The following SPATA31A6 variants were observed in gnomAD, a reference collection of about 807,000 sequenced individuals.
SPATA31A6 encodes SPATA31 subfamily A member 6.
A neutral mutation model predicts 11.9 loss-of-function variants in SPATA31A6; 9 were observed. That is an observed-to-expected ratio of 0.76 (90% confidence interval 0.46 to 1.32). The LOEUF (loss-of-function observed/expected upper bound fraction) is 1.32, where lower values mean the gene tolerates loss of function less well. SPATA31A6 is among the 40% of genes most tolerant of loss of function. The pLI is 0.00. For missense variants in SPATA31A6, 855 were observed against 1,467.3 expected, an observed-to-expected ratio of 0.58 and a Z score of 6.82; for synonymous variants, 314 against 572.1, an observed-to-expected ratio of 0.55 and a Z score of 6.44.
intron 1 of SPATA31A6, 33 bp downstream of exon 1, chr9:42,183,909 T>G: frequency 2.6e-6 from 4 of 1,526,976 alleles, no homozygotes; most frequent in Non-Finnish European, 3.5e-6. Context: ...CCACAGAGCT[T>G]GATTCTCTCC....
Position 42,189,121 on chromosome 9 carries a change from A to T in SPATA31A6, c.3419A>T (p.Gln1140Leu). 6.5e-7 allele frequency: 1 copy of T among 1,544,776 alleles called. No individual in the cohort carries two copies. The highest frequency in any genetic ancestry group is 1.1e-5 in the South Asian group (1 of 87,386). The change falls in exon 4 of 4, where the codon CAG (glutamine) becomes CTG (leucine). Residue 1140 changes from glutamine (Q) to leucine (L), a missense_variant. Gln to Leu is a moderately radical substitution (Grantham distance 113). Coordinates refer to ENST00000332857, the MANE Select transcript of SPATA31A6 (RefSeq NM_001145196.1). ...TPVRKTEDTH[Q>L]DEGVQLLPSK... ...GTCAGGAAAACAGAAGACACCCATCAGGATGAAGGCGTCCAGCTACTGCCA... is the reference window on the plus strand; with the variant it reads ...GTCAGGAAAACAGAAGACACCCATCTGGATGAAGGCGTCCAGCTACTGCCA...
intron 2 of SPATA31A6, chr9:42,185,444 G>T: frequency 1.5e-6 from 1 of 650,278 alleles, no homozygotes; most frequent in Non-Finnish European, 2.6e-6. Context: ...GACCACCTCA[G>T]TCCTTTCTCC....
rs778016404 is a variant in SPATA31A6, at chr9:42,186,577, C to T, written c.875C>T (p.Ala292Val). The change falls in exon 4 of 4, where the codon GCC becomes GTC. Residue 292 changes from alanine (A) to valine (V), a missense_variant. Transcript: ENST00000332857. ...CAGGAGACTGCCAGAACCTCGTGCG[C>T]CTTTAACTCATCAGTCCAGCAAGAT... ...RWQETARTSCAFNSSVQQDPL... is the reference protein window; with the variant it reads ...RWQETARTSCVFNSSVQQDPL... 1.6e-5 allele frequency: 24 copies of T among 1,528,958 alleles called. 5 individuals are homozygous for T. In the East Asian group the frequency reaches 3.1e-4, roughly 20 times the overall value. 94.7% of individuals were successfully genotyped at this position (1,528,958 alleles called of 1,614,324 possible). A position where few individuals can be genotyped will look rare whatever the true frequency, so the allele number is the denominator to read the frequency against.
At position 42,186,555 on chromosome 9, in the gene SPATA31A6, G is replaced by A. The variant is rs749956877; in HGVS notation, c.853G>A (p.Glu285Lys). ...TGTTTCTGCCTCCTCCCGGTGGCAG[G>A]AGACTGCCAGAACCTCGTGCGCCTT... Reference protein sequence around the residue: ...SHVSASSRWQETARTSCAFNS... With the variant: ...SHVSASSRWQKTARTSCAFNS... The change falls in exon 4 of 4, where the codon GAG (glutamate) becomes AAG (lysine). Residue 285 changes from glutamate to lysine, a missense_variant. Glu to Lys is a moderately conservative substitution (Grantham distance 56, BLOSUM62 1). Coordinates refer to ENST00000332857, the MANE Select transcript of SPATA31A6 (RefSeq NM_001145196.1). 2.2e-5 allele frequency: 33 copies of A among 1,523,262 alleles called. 4 individuals are homozygous for A. The highest frequency in any genetic ancestry group is 4.9e-5 in the African/African-American group (3 of 61,172). The allele number at this position is 1,523,262 out of a possible 1,614,324, so 94.4% of individuals were successfully genotyped here.
In SPATA31A6 at chr9:42,183,821, A is replaced by T; in HGVS notation, c.134A>T (p.Tyr45Phe). The change falls in exon 1 of 4, where the codon TAC becomes TTC. Residue 45 changes from tyrosine to phenylalanine, a missense_variant. By Grantham distance (22) the Tyr-to-Phe change is conservative (BLOSUM62 3). Coordinates refer to ENST00000332857, the MANE Select transcript of SPATA31A6 (RefSeq NM_001145196.1). The part of the protein sequence containing the change: ...ALGFFFLLLP[Y>F]LSYFHCDDPP... ...GGGTTCTTCTTCCTATTACTCCCCT[A>T]CTTATCTTACTTCCATTGTGATGAC... 1 of 1,532,416 alleles carries T rather than the reference A, an allele frequency of 6.5e-7. No homozygotes were observed. Among genetic ancestry groups the T allele is most frequent in the Non-Finnish European group, 8.8e-7 (1 of 1,137,524 alleles). The allele number at this position is 1,532,416 out of a possible 1,614,324, so 94.9% of individuals were successfully genotyped here.
chr9:42,184,439 CTGTGTGTGTGTGTGTGTG>C (rs71364261), intron 1 of SPATA31A6, among the ~76,000 whole-genome samples: 7 of 102,056 alleles, frequency 6.9e-5, no homozygotes, highest in East Asian at 6.0e-4. Flanking sequence ...GAAAATCCCT[CTGTGTGTGTGTGTGTGTG>C]TGTGTGTGTG....
At position 42,189,585 on chromosome 9, in the gene SPATA31A6, G is replaced by T. The variant is rs1829534082; in HGVS notation, c.3883G>T (p.Glu1295Ter). Reference sequence around the variant, plus strand: ...CTTGAAAAGTGTGCGGTGCAACAATGAGCAATGGGGCCTGCGACATCCCCA... The same window carrying T: ...CTTGAAAAGTGTGCGGTGCAACAATTAGCAATGGGGCCTGCGACATCCCCA... ...QPLKSVRCNN[E>*]QWGLRHPQIL... is the part of the protein sequence containing the mutation. Residue 1295 changes from glutamate (E) to a stop codon, truncating the protein, a stop_gained, in exon 4 of 4, where the codon GAG becomes TAG. Transcript: ENST00000332857. LOFTEE classifies it low-confidence loss of function (END_TRUNC). The T allele has an allele frequency of 6.4e-7, 1 of 1,556,644 alleles. No homozygotes were observed.
Position 42,187,264 on chromosome 9 carries a change from G to C in SPATA31A6, c.1562G>C (p.Cys521Ser), listed in dbSNP as rs768059593. The change falls in exon 4 of 4, where the codon TGC becomes TCC. Residue 521 changes from cysteine to serine, a missense_variant. By Grantham distance (112) the Cys-to-Ser change is moderately radical. Transcript: ENST00000332857. ...CTGATTAAGAACACTGGAGTAGCTT[G>C]CCCTGCATCGCAGAATAAAGTGCAA... ...PSLIKNTGVA[C>S]PASQNKVQAL... The C allele has an allele frequency of 6.5e-7, 1 of 1,541,868 alleles. No homozygotes were observed.
At position 42,187,766 on chromosome 9, in the gene SPATA31A6, G is replaced by C. The variant is rs775771389; in HGVS notation, c.2064G>C (p.Lys688Asn). Residue 688 changes from lysine to asparagine, a missense_variant, in exon 4 of 4, where the codon AAG becomes AAC. Lys to Asn is a moderately conservative substitution (Grantham distance 94, BLOSUM62 0). Transcript: ENST00000332857. ...LSRDMKSFPR[K>N]VLGVTSEESE... ...GGGACATGAAAAGCTTCCCACGGAAGGTTCTGGGGGTGACTTCTGAGGAGT... is the reference window on the plus strand; with the variant it reads ...GGGACATGAAAAGCTTCCCACGGAACGTTCTGGGGGTGACTTCTGAGGAGT... 6.6e-7 allele frequency: 1 copy of C among 1,506,856 alleles called. No homozygotes were observed. Among genetic ancestry groups the C allele is most frequent in the South Asian group, 1.2e-5 (1 of 85,138 alleles). 93.3% of individuals were successfully genotyped at this position (1,506,856 alleles called of 1,614,324 possible). A position where few individuals can be genotyped will look rare whatever the true frequency, so the allele number is the denominator to read the frequency against.
At position 42,183,818 on chromosome 9, in the gene SPATA31A6, C is replaced by T. The variant is rs1431867939; in HGVS notation, c.131C>T (p.Pro44Leu). ...FALGFFFLLLPYLSYFHCDDP... is the reference protein window; with the variant it reads ...FALGFFFLLLLYLSYFHCDDP... ...CTGGGGTTCTTCTTCCTATTACTCC[C>T]CTACTTATCTTACTTCCATTGTGAT... The change falls in exon 1 of 4, where the codon CCC becomes CTC. Residue 44 changes from proline to leucine, a missense_variant. Pro to Leu is a moderately conservative substitution (Grantham distance 98). Transcript: ENST00000332857. 2 of 1,534,158 alleles carry T rather than the reference C, an allele frequency of 1.3e-6. No homozygotes were observed. Among genetic ancestry groups the T allele is most frequent in the African/African-American group, 1.6e-5 (1 of 62,708 alleles).
At position 42,186,781 on chromosome 9, in the gene SPATA31A6, T is replaced by A. The variant is rs754684393; in HGVS notation, c.1079T>A (p.Leu360Ter). 3.1e-5 allele frequency: 48 copies of A among 1,531,438 alleles called. 7 individuals are homozygous for A. The highest frequency in any genetic ancestry group is 4.2e-5 in the Non-Finnish European group (48 of 1,139,546). 94.9% of individuals were successfully genotyped at this position (1,531,438 alleles called of 1,614,324 possible). A position where few individuals can be genotyped will look rare whatever the true frequency, so the allele number is the denominator to read the frequency against. The change falls in exon 4 of 4, where the codon TTA (leucine) becomes TAA (stop). Residue 360 changes from leucine to a stop codon, truncating the protein, a stop_gained. Coordinates refer to ENST00000332857, the MANE Select transcript of SPATA31A6 (RefSeq NM_001145196.1). LOFTEE classifies it low-confidence loss of function (END_TRUNC). ...AATCAAATGACCCCAGAAAAGCACTTAAATTCTTTGGGGAATTTGGCTAAA... is the reference window on the plus strand; with the variant it reads ...AATCAAATGACCCCAGAAAAGCACTAAAATTCTTTGGGGAATTTGGCTAAA... ...FTNQMTPEKH[L>*]NSLGNLAKSL...
rs1829415957 is a variant in SPATA31A6, at chr9:42,184,862, T to C, written c.190-207T>C. 1.4e-5 allele frequency among the ~76,000 whole-genome samples: 2 copies of C among 138,224 alleles called. 1 individual carries two copies. Among genetic ancestry groups the C allele is most frequent in the African/African-American group, 5.8e-5 (2 of 34,264 alleles). The allele number at this position is 138,224 out of a possible 152,430, so 90.7% of individuals were successfully genotyped here. ...TGTTTTTCTAAGAAGAAAAGCAGTT[T>C]ATCATCCAGTTAAACATGAGTGGGA... On this transcript the variant is annotated intron_variant, in intron 1 of 3. Coordinates refer to ENST00000332857, the MANE Select transcript of SPATA31A6 (RefSeq NM_001145196.1).
chr9:42,184,414 G>A (rs1249467965), intron 1 of SPATA31A6, among the ~76,000 whole-genome samples: 1 of 132,150 alleles, frequency 7.6e-6, no homozygotes, highest in Non-Finnish European at 1.6e-5. Flanking sequence ...AGGTGTCCGT[G>A]GTGGACCTCA....
In SPATA31A6 at chr9:42,185,665, A is replaced by G. The variant is rs773300317; in HGVS notation, c.248-30A>G. On this transcript the variant is annotated intron_variant, in intron 2 of 3. Transcript: ENST00000332857. ...CTGTGAGATCCCAGGCCCCTCCCTC[A>G]CTGCCCTAACCCAGTCTCCTGATTT... 188 of 1,482,644 alleles carry G rather than the reference A, an allele frequency of 1.3e-4. 34 individuals are homozygous for G. The highest frequency in any genetic ancestry group is 1.7e-4 in the Non-Finnish European group (183 of 1,091,004). The allele number at this position is 1,482,644 out of a possible 1,614,324, so 91.8% of individuals were successfully genotyped here. A position where few individuals can be genotyped will look rare whatever the true frequency, so the allele number is the denominator to read the frequency against.
At chr9:42,184,356 C>T (rs1334343592) in intron 1 of SPATA31A6, among the ~76,000 whole-genome samples, 2 of 128,938 alleles carry the variant, frequency 1.6e-5, no homozygotes, top group African/African-American at 6.4e-5. Flanking sequence ...TCAGCAGTGC[C>T]TGCGGGCCTG....
chr9:42,185,448 T>C, intron 2 of SPATA31A6: 1 of 660,810 alleles, frequency 1.5e-6, no homozygotes, highest in Non-Finnish European at 2.6e-6. Context: ...ACCTCAGTCC[T>C]TTCTCCCCAC....
In SPATA31A6 at chr9:42,189,729, ATCTGATTTGGTCAGT is replaced by A. The variant is rs2118863517; in HGVS notation, c.4028_*10del. On this transcript the variant is annotated stop_lost and 3_prime_UTR_variant, in exon 4 of 4. Coordinates refer to ENST00000332857, the MANE Select transcript of SPATA31A6 (RefSeq NM_001145196.1). ...AAGGCACTGTCTTCTTTGGGAAGGT[ATCTGATTTGGTCAGT>A]CACAAATTCTTTTTTAGCCTTCCCT... The A allele has an allele frequency of 6.9e-7, 1 of 1,448,772 alleles. No individual in the cohort carries two copies. Among genetic ancestry groups the A allele is most frequent in the Non-Finnish European group, 9.2e-7 (1 of 1,092,088 alleles). 89.7% of individuals were successfully genotyped at this position (1,448,772 alleles called of 1,614,324 possible). A position where few individuals can be genotyped will look rare whatever the true frequency, so the allele number is the denominator to read the frequency against.
In SPATA31A6 at chr9:42,186,940, G is replaced by A. The variant is rs200816316; in HGVS notation, c.1238G>A (p.Ser413Asn). 1,049 of 1,542,302 alleles carry A rather than the reference G, an allele frequency of 6.8e-4. 241 individuals carry two copies. The African/African-American group carries it at 0.015, about 22-fold the overall frequency. Residue 413 changes from serine to asparagine, a missense_variant, in exon 4 of 4, where the codon AGC becomes AAC. Physicochemically the swap from Ser to Asn is conservative, Grantham distance 46 (BLOSUM62 1). Transcript: ENST00000332857. Reference sequence around the variant, plus strand: ...CAGGAAAGTTTTTGGAAGAATTATAGCCAGCTTTTCTGGGGCCTCCCCTCT... The same window carrying A: ...CAGGAAAGTTTTTGGAAGAATTATAACCAGCTTTTCTGGGGCCTCCCCTCT... ...LLQESFWKNY[S>N]QLFWGLPSLH... is the part of the protein sequence containing the mutation.
rs749768338 is a variant in SPATA31A6 at position 42,183,741 on chromosome 9, C to T, written c.54C>T (p.Ala18=). ...TACTTAGTGCCTCATCGCTAAACGC[C>T]CCCAGCTCCACACCATGGGTGTTGG... ...LKLLSASSLN[A]PSSTPWVLDI... is the part of the protein sequence containing the mutation. The change falls in exon 1 of 4, where the codon GCC becomes GCT. Residue 18 remains alanine (A), a synonymous_variant. Coordinates refer to ENST00000332857, the MANE Select transcript of SPATA31A6 (RefSeq NM_001145196.1). 7 of 1,534,880 alleles carry T rather than the reference C, an allele frequency of 4.6e-6. 2 individuals carry two copies. The highest frequency in any genetic ancestry group is 3.6e-5 in the Admixed American group (2 of 56,226).
Sources: gnomAD v4.1 joint callset for allele counts (sites outside exome capture counted in the v4.1 genomes callset) on GRCh38, gnomAD v4.1.1 for gene constraint, MANE v1.5 for transcripts, NCBI Gene and HGNC (gene_info 2026-07-23, HGNC 2026-07-21) for gene names.